The following RBFOX1 variants were observed in gnomAD, a reference collection of about 807,000 sequenced individuals.
RBFOX1 encodes the protein RNA binding protein fox-1 homolog 1.
In RBFOX1, 8 loss-of-function variants were observed where a neutral mutation model predicts 57.7. The ratio of observed to expected loss-of-function variants is 0.14; its 90% CI spans 0.08 to 0.25. The LOEUF (loss-of-function observed/expected upper bound fraction) is 0.25, where lower values mean the gene tolerates loss of function less well. Among genes scored for constraint, RBFOX1 ranks in the 10% least tolerant of loss-of-function variants. RBFOX1 has a pLI of 1.00. For synonymous variants in RBFOX1, 326 were observed against 222.4 expected, an observed-to-expected ratio of 1.47 and a Z score of -4.15; for missense variants, 611 against 548.5, an observed-to-expected ratio of 1.11 and a Z score of -1.14.
At chr16:7,550,222 C>T (rs977219318) in intron 5 of RBFOX1, among the ~76,000 whole-genome samples, 2 of 151,608 alleles carry the variant, frequency 1.3e-5, no homozygotes, top group Non-Finnish European at 2.9e-5. Context: ...GCCCAGCCTA[C>T]CCTTCTCCTG....
At chr16:6,061,996 C>G (rs1016486115) in intron 1 of RBFOX1, among the ~76,000 whole-genome samples, 4 of 152,128 alleles carry the variant, frequency 2.6e-5, no homozygotes, top group African/African-American at 9.7e-5. Flanking sequence ...TGTCCCTTCC[C>G]TGGGTTTAAG....
chr16:5,652,077 T>G (rs902637211), intron 3 of RBFOX1, among the ~76,000 whole-genome samples: 3 of 152,100 alleles, frequency 2.0e-5, no homozygotes, highest in African/African-American at 7.2e-5. Flanking sequence ...GAGGTTCTAG[T>G]GAGCCAAGAT....
chr16:6,457,609 T>G (rs2153057437), intron 2 of RBFOX1, among the ~76,000 whole-genome samples: 1 of 152,136 alleles, frequency 6.6e-6, no homozygotes, highest in South Asian at 2.1e-4. Context: ...TCGCCAGGGG[T>G]ATTCGAAGAC....
At chr16:5,252,234 T>C (rs757195699) in intron 1 of RBFOX1, among the ~76,000 whole-genome samples, 11 of 152,214 alleles carry the variant, frequency 7.2e-5, no homozygotes, top group Non-Finnish European at 1.6e-4. Flanking sequence ...ACGGCTGTGG[T>C]TTCTCTGTGA....
chr16:6,939,465 C>G lies in RBFOX1; in HGVS notation c.-15-112592C>G, dbSNP rs557212770. On this transcript the variant is annotated intron_variant, in intron 3 of 15. Coordinates refer to ENST00000550418, the MANE Select transcript of RBFOX1 (RefSeq NM_018723.4). Reference sequence around the variant, plus strand: ...TTTTATCTGGGTTAATGAATGTGCTCTGCTTTGCACAGAATTTAAATAGTT... The same window carrying G: ...TTTTATCTGGGTTAATGAATGTGCTGTGCTTTGCACAGAATTTAAATAGTT... 2.0e-5 allele frequency among the ~76,000 whole-genome samples: 3 copies of G among 149,350 alleles called. 1 individual carries two copies. Among genetic ancestry groups the G allele is most frequent in the Non-Finnish European group, 4.4e-5 (3 of 67,634 alleles).
intron 1 of RBFOX1, among the ~76,000 whole-genome samples, chr16:6,058,554 T>A (rs1170595551): frequency 6.6e-6 from 1 of 152,156 alleles, no homozygotes. Flanking sequence ...TGTTTATTCA[T>A]CCATGCATCC....
At chr16:7,050,828 A>G (rs2049811187) in intron 3 of RBFOX1, among the ~76,000 whole-genome samples, 1 of 152,134 alleles carries the variant, frequency 6.6e-6, no homozygotes, top group African/African-American at 2.4e-5. Flanking sequence ...GTTAATTGAC[A>G]TGGAAATAAA....
intron 4 of RBFOX1, among the ~76,000 whole-genome samples, chr16:7,219,211 C>T (rs954687993): frequency 6.6e-6 from 1 of 152,130 alleles, no homozygotes; most frequent in East Asian, 1.9e-4. Flanking sequence ...AATGAAGAGG[C>T]AGGCAGCATG....
At chr16:5,667,577 G>A (rs2049887367) in intron 3 of RBFOX1, among the ~76,000 whole-genome samples, 1 of 152,188 alleles carries the variant, frequency 6.6e-6, no homozygotes, top group South Asian at 2.1e-4. Context: ...GCCTGTACTA[G>A]AAGTGTACTT....
intron 1 of RBFOX1, among the ~76,000 whole-genome samples, chr16:6,023,834 C>T (rs1464697193): frequency 2.0e-5 from 3 of 152,190 alleles, no homozygotes; most frequent in African/African-American, 4.8e-5. Flanking sequence ...AAAGAAGCCA[C>T]GAGGCTCTTC....
chr16:6,844,226 A>C (rs1603631457), intron 3 of RBFOX1, among the ~76,000 whole-genome samples: 1 of 151,456 alleles, frequency 6.6e-6, no homozygotes, highest in Non-Finnish European at 1.5e-5. Context: ...TCAGGGGTAC[A>C]TGTGCAGGAT....
At chr16:5,471,792 C>G (rs1362254002) in intron 2 of RBFOX1, among the ~76,000 whole-genome samples, 1 of 152,180 alleles carries the variant, frequency 6.6e-6, no homozygotes, top group African/African-American at 2.4e-5. Context: ...CGGTATATTT[C>G]TAGAGTCTAG....
At chr16:7,656,327 T>A (rs2066288743) in intron 12 of RBFOX1, among the ~76,000 whole-genome samples, 1 of 152,174 alleles carries the variant, frequency 6.6e-6, no homozygotes, top group African/African-American at 2.4e-5. Context: ...GAGGCCACCA[T>A]CTTAGAGGTT....
chr16:5,448,232 A>G (rs370855561), intron 1 of RBFOX1, among the ~76,000 whole-genome samples: 3 of 152,246 alleles, frequency 2.0e-5, no homozygotes, highest in East Asian at 3.9e-4. Context: ...TGGACGCTGC[A>G]TGTTTTCACC....
At chr16:5,669,962 C>T (rs954745565) in intron 3 of RBFOX1, among the ~76,000 whole-genome samples, 2 of 152,172 alleles carry the variant, frequency 1.3e-5, no homozygotes, top group African/African-American at 4.8e-5. Context: ...ACTAGATAAA[C>T]ACATTGTGGT....
chr16:6,838,659 C>T (rs967797672), intron 3 of RBFOX1, among the ~76,000 whole-genome samples: 1 of 152,178 alleles, frequency 6.6e-6, no homozygotes, highest in African/African-American at 2.4e-5. Context: ...TCCTAGAATT[C>T]TTTATTGGGC....
At chr16:6,234,173 T>A (rs2097487530) in intron 1 of RBFOX1, among the ~76,000 whole-genome samples, 1 of 152,202 alleles carries the variant, frequency 6.6e-6, no homozygotes, top group East Asian at 1.9e-4. Flanking sequence ...ACCATCACAG[T>A]GGCATTAAGT....
intron 2 of RBFOX1, among the ~76,000 whole-genome samples, chr16:6,417,301 T>A (rs1020129048): frequency 6.6e-6 from 1 of 152,002 alleles, no homozygotes; most frequent in Non-Finnish European, 1.5e-5. Context: ...TGAGCCACCA[T>A]GCCCGGCTGA....
intron 4 of RBFOX1, among the ~76,000 whole-genome samples, chr16:7,387,682 T>C (rs2097907893): frequency 6.6e-6 from 1 of 152,164 alleles, no homozygotes; most frequent in Admixed American, 6.5e-5. Flanking sequence ...AGGGTGCCAT[T>C]AGGAGTGGTG....
Sources: gnomAD v4.1 joint callset for allele counts (sites outside exome capture counted in the v4.1 genomes callset) on GRCh38, gnomAD v4.1.1 for gene constraint, MANE v1.5 for transcripts, NCBI Gene and HGNC (gene_info 2026-07-23, HGNC 2026-07-21) for gene names.